The following PLEKHG1 variants were observed in gnomAD, a reference collection of about 807,000 sequenced individuals.
PLEKHG1 encodes the protein pleckstrin homology domain-containing family G member 1.
Under a neutral mutation model 100.8 loss-of-function variants are expected in PLEKHG1, and 44 were observed. That is an observed-to-expected ratio of 0.44 (90% CI 0.34 to 0.56). PLEKHG1 has a LOEUF of 0.56. PLEKHG1 is among the 20% of genes least tolerant of loss of function. The probability of loss-of-function intolerance (pLI) is 0.01; values close to 1 mark genes in which losing one functional copy is unlikely to be tolerated. For synonymous variants in PLEKHG1, 640 were observed against 662.5 expected, an observed-to-expected ratio of 0.97 and a Z score of 0.52; for missense variants, 1,545 against 1,720.9, an observed-to-expected ratio of 0.90 and a Z score of 1.81.
intron 1 of PLEKHG1, among the ~76,000 whole-genome samples, chr6:150,635,923 C>T (rs1777978966): frequency 1.3e-5 from 2 of 152,116 alleles, no homozygotes; most frequent in South Asian, 4.1e-4. Context: ...TGCTTGGTAA[C>T]TAGTGGCTTA....
At chr6:150,841,834 T>G (rs1348772786) in exon 16 of PLEKHG1, 1 of 152,230 alleles carries the variant, frequency 6.6e-6, no homozygotes, top group Non-Finnish European at 1.5e-5. Flanking sequence ...ATTTATCCTT[T>G]CCAGAGCGCT....
exon 11 of PLEKHG1, chr6:150,818,199 T>C (rs1212814898): frequency 1.2e-6 from 2 of 1,608,844 alleles, no homozygotes; most frequent in South Asian, 1.1e-5. Flanking sequence ...CAAGCAATCC[T>C]TGAAATGGAT....
chr6:150,688,327 A>G (rs900878664), intron 3 of PLEKHG1, among the ~76,000 whole-genome samples: 6 of 146,084 alleles, frequency 4.1e-5, no homozygotes, highest in Non-Finnish European at 9.0e-5. Context: ...TTTTTTTTTT[A>G]TTTTATTTTT....
intron 1 of PLEKHG1, among the ~76,000 whole-genome samples, chr6:150,626,439 C>T (rs9397340): frequency 0.13 from 20,114 of 152,108 alleles, 1,638 homozygotes; most frequent in South Asian, 0.22. Context: ...GAGTCTGTCT[C>T]GATCTGTGTG....
intron 1 of PLEKHG1, among the ~76,000 whole-genome samples, chr6:150,634,751 A>T (rs1377266356): frequency 6.6e-6 from 1 of 152,264 alleles, no homozygotes; most frequent in Non-Finnish European, 1.5e-5. Flanking sequence ...CAATTGAACA[A>T]TAAATCTTGA....
Position 150,818,039 on chromosome 6 carries a change from G to A in PLEKHG1, c.1279-144G>A, listed in dbSNP as rs1179305886. The stretch of plus-strand genomic sequence containing the variant: ...CTCATCTGCTTGAATTCCCTGCACT[G>A]TGTGTAAATGCTTAACATAAATAGC... On this transcript the variant is annotated intron_variant, in intron 10 of 15. Transcript: ENST00000358517. 10 of 685,792 alleles carry A rather than the reference G, an allele frequency of 1.5e-5. No homozygotes were observed. The East Asian group carries it at 2.5e-4, about 17-fold the overall frequency. The allele number at this position is 685,792 out of a possible 1,614,324, so 42.5% of individuals were successfully genotyped here. A position where few individuals can be genotyped will look rare whatever the true frequency, so the allele number is the denominator to read the frequency against.
intron 3 of PLEKHG1, among the ~76,000 whole-genome samples, chr6:150,655,333 G>T (rs1178614253): frequency 6.6e-6 from 1 of 152,120 alleles, no homozygotes; most frequent in African/African-American, 2.4e-5. Context: ...ACATGCACAC[G>T]TATATTTATT....
At position 150,644,118 on chromosome 6, in the gene PLEKHG1, G is replaced by T. The variant is rs185313266; in HGVS notation, c.-158+5993G>T. Among the ~76,000 whole-genome samples, 16 of 152,134 alleles carry T rather than the reference G, an allele frequency of 1.1e-4. No homozygotes were observed. In the East Asian group the frequency reaches 2.9e-3, roughly 28 times the overall value. On this transcript the variant is annotated intron_variant, in intron 2 of 3. Transcript: ENST00000367326. ...TTACCTCCATGAATGAAAAATTCAG[G>T]TGATTTGTTGAGTTGACATTCTCTC...
chr6:150,732,867 C>T (rs941067804), intron 1 of PLEKHG1, among the ~76,000 whole-genome samples: 5 of 152,192 alleles, frequency 3.3e-5, no homozygotes, highest in African/African-American at 1.2e-4. Flanking sequence ...GATTTACAGG[C>T]GTGAGCCACC....
intron 5 of PLEKHG1, among the ~76,000 whole-genome samples, chr6:150,799,416 C>T (rs183498637): frequency 1.7e-3 from 252 of 152,330 alleles, no homozygotes; most frequent in Non-Finnish European, 2.8e-3. Flanking sequence ...CAAGCTCCCA[C>T]ACTCTGTTCC....
Position 150,790,896 on chromosome 6 carries a change from G to A in PLEKHG1, c.582+4437G>A, listed in dbSNP as rs183612431. Among the ~76,000 whole-genome samples, 8 of 152,222 alleles carry A rather than the reference G, an allele frequency of 5.3e-5. No homozygotes were observed. The East Asian group carries it at 5.8e-4, about 11-fold the overall frequency. On this transcript the variant is annotated intron_variant, in intron 4 of 15. Coordinates refer to ENST00000358517, the Ensembl canonical transcript of PLEKHG1. ...AAAATTGCCAGGCATGGTGGCAGGCGCCTGTATTCCCAGCTACTTGGGAGG... is the reference window on the plus strand; with the variant it reads ...AAAATTGCCAGGCATGGTGGCAGGCACCTGTATTCCCAGCTACTTGGGAGG...
At chr6:150,674,671 CTCTCTCTCTCT>C (rs1779690368) in intron 3 of PLEKHG1, among the ~76,000 whole-genome samples, 4 of 145,220 alleles carry the variant, frequency 2.8e-5, no homozygotes, top group Non-Finnish European at 4.5e-5. Flanking sequence ...CTCTCTCTCT[CTCTCTCTCTCT>C]CCCCCCTCTT....
chr6:150,823,923 C>G (rs555372398), intron 14 of PLEKHG1, among the ~76,000 whole-genome samples: 3 of 152,222 alleles, frequency 2.0e-5, no homozygotes, highest in Non-Finnish European at 4.4e-5. Flanking sequence ...TCATCCTCTG[C>G]CCCATATCAC....
chr6:150,690,888 C>G (rs889369240), intron 3 of PLEKHG1, among the ~76,000 whole-genome samples: 16 of 152,216 alleles, frequency 1.1e-4, no homozygotes, highest in Non-Finnish European at 1.8e-4. Context: ...GCTCACAGAT[C>G]CCTGCCTCCT....
intron 2 of PLEKHG1, among the ~76,000 whole-genome samples, chr6:150,762,296 T>A (rs1784202674): frequency 6.6e-6 from 1 of 151,816 alleles, no homozygotes; most frequent in African/African-American, 2.4e-5. Context: ...TTCAAGCGAT[T>A]CTCCTGCCTC....
At chr6:150,678,296 A>C (rs924696234) in intron 3 of PLEKHG1, among the ~76,000 whole-genome samples, 2 of 151,920 alleles carry the variant, frequency 1.3e-5, no homozygotes, top group Admixed American at 6.6e-5. Flanking sequence ...TTGCCCACCC[A>C]GGCCCCTCCA....
chr6:150,802,745 C>G (rs185612574), intron 6 of PLEKHG1, among the ~76,000 whole-genome samples: 38 of 150,864 alleles, frequency 2.5e-4, no homozygotes, highest in African/African-American at 9.3e-4. Flanking sequence ...ACTGCAACCT[C>G]CGCCTCCCGG....
At chr6:150,718,979 T>C (rs1781550385), upstream of PLEKHG1, among the ~76,000 whole-genome samples, 1 of 152,190 alleles carries the variant, frequency 6.6e-6, no homozygotes. Context: ...ATACTTTAAA[T>C]CTTTGATATT....
chr6:150,619,685 G>A (rs935399770), intron 1 of PLEKHG1, among the ~76,000 whole-genome samples: 3 of 152,172 alleles, frequency 2.0e-5, no homozygotes, highest in Non-Finnish European at 2.9e-5. Flanking sequence ...AGGAAGTACA[G>A]GGGTAAAGAA....
Sources: allele counts gnomAD v4.1 joint callset (sites outside exome capture counted in the v4.1 genomes callset), GRCh38; gene constraint gnomAD v4.1.1; transcripts MANE v1.5; gene names NCBI Gene and HGNC (gene_info 2026-07-23, HGNC 2026-07-21).